Variants in VPS53 observed in about 807,000 individuals in gnomAD.
VPS53 encodes the protein vacuolar protein sorting-associated protein 53 homolog.
In VPS53, 70 loss-of-function variants were observed where a neutral mutation model predicts 107.0. The ratio of observed to expected loss-of-function variants is 0.65; its 90% CI spans 0.54 to 0.80. The LOEUF is 0.80. Ranked by LOEUF, VPS53 falls within the 30% of genes least tolerant of loss-of-function variation. The pLI is 0.00. For synonymous variants in VPS53, 409 were observed against 393.3 expected, an observed-to-expected ratio of 1.04 and a Z score of -0.47; for missense variants, 917 against 1,049.4, an observed-to-expected ratio of 0.87 and a Z score of 1.74.
At chr17:610,653 C>T (rs1047171620) in intron 11 of VPS53, among the ~76,000 whole-genome samples, 12 of 151,592 alleles carry the variant, frequency 7.9e-5, no homozygotes, top group Non-Finnish European at 1.3e-4. Flanking sequence ...TGGTGGCTCA[C>T]GCCTATAATC....
chr17:534,032 G>A lies in VPS53; in HGVS notation c.2016-1121C>T, dbSNP rs1032590003. On this transcript the variant is annotated intron_variant, in intron 18 of 21. Transcript: ENST00000437048. ...TTTTTGTATTTTTAGTAGAGATAGGGTTTCACCATGTTGGCCAGGCTGGTC... is the reference window on the plus strand; with the variant it reads ...TTTTTGTATTTTTAGTAGAGATAGGATTTCACCATGTTGGCCAGGCTGGTC... Among the ~76,000 whole-genome samples the A allele has an allele frequency of 2.6e-5, 4 of 151,918 alleles. No homozygotes were observed. The East Asian group carries it at 7.7e-4, about 29-fold the overall frequency.
Position 546,329 on chromosome 17 carries a change from TCACACACACACACACACACACACA to T in VPS53, c.1866+5519_1866+5542del, listed in dbSNP as rs71371545. On this transcript the variant is annotated intron_variant, in intron 17 of 21. Transcript: ENST00000437048. ...ATCAGGCAATGGTATCTTAGATATC[TCACACACACACACACACACACACA>T]CACACACACACACACACACACACGA... 2.3e-5 allele frequency among the ~76,000 whole-genome samples: 3 copies of T among 131,976 alleles called. No homozygotes were observed. The South Asian group carries it at 7.8e-4, about 34-fold the overall frequency. The allele number at this position is 131,976 out of a possible 152,430, so 86.6% of individuals were successfully genotyped here.
chr17:650,801 C>T (rs1483302025), intron 7 of VPS53, among the ~76,000 whole-genome samples: 1 of 152,184 alleles, frequency 6.6e-6, no homozygotes, highest in African/African-American at 2.4e-5. Context: ...GAAACAACGA[C>T]CTAGTGCTAC....
intron 17 of VPS53, among the ~76,000 whole-genome samples, chr17:548,567 C>G (rs919440201): frequency 8.4e-6 from 1 of 119,142 alleles, no homozygotes; most frequent in Non-Finnish European, 1.8e-5. Context: ...GGCCAGCCAA[C>G]AGTCCTTCTG....
Position 518,846 on chromosome 17 carries a change from A to G in VPS53, c.*282T>C, listed in dbSNP as rs1333317467. On this transcript the variant is annotated 3_prime_UTR_variant, in exon 22 of 22. Transcript: ENST00000437048. ...GGTGTGACTGCCATGGGGAGGCTAC[A>G]TGAGTCAAGGGCAGCTCAGGGACCT... 1.6e-5 allele frequency: 5 copies of G among 303,202 alleles called. No individual in the cohort carries two copies. Among genetic ancestry groups the G allele is most frequent in the African/African-American group, 4.4e-5 (2 of 45,966 alleles). 18.8% of individuals were successfully genotyped at this position (303,202 alleles called of 1,614,324 possible). A position where few individuals can be genotyped will look rare whatever the true frequency, so the allele number is the denominator to read the frequency against.
chr17:539,247 C>T (rs1357557503), intron 17 of VPS53: 1 of 152,246 alleles, frequency 6.6e-6, no homozygotes, highest in Non-Finnish European at 1.5e-5. Flanking sequence ...TACAAAGCAG[C>T]TCTGAAGCAA....
intron 10 of VPS53, among the ~76,000 whole-genome samples, chr17:625,028 T>C (rs980875764): frequency 3.4e-5 from 5 of 145,270 alleles, no homozygotes; most frequent in African/African-American, 1.3e-4. Flanking sequence ...TCTCACTCTG[T>C]CACCCAGGGC....
chr17:656,739 T>G, intron 5 of VPS53: 1 of 786,058 alleles, frequency 1.3e-6, no homozygotes, highest in Non-Finnish European at 2.2e-6. Context: ...TGTTTTATCA[T>G]GCCACATTAT....
chr17:589,952 G>C (rs900593773), intron 12 of VPS53, among the ~76,000 whole-genome samples: 1 of 151,932 alleles, frequency 6.6e-6, no homozygotes, highest in South Asian at 2.1e-4. Context: ...CATTGAATCT[G>C]TAAATTACCT....
In VPS53 at chr17:697,448, AC is replaced by A; in HGVS notation, c.254del (p.Gly85ValfsTer41). On this transcript the variant is annotated frameshift_variant, in exon 4 of 22. Coordinates refer to ENST00000437048, the MANE Select transcript of VPS53 (RefSeq NM_001128159.3). LOFTEE classifies it high-confidence loss of function. ...GTCCATCCTGCCCCACGTTCGTCTG[AC>A]CTCTTACAACAGTTCGAATATTGTC... ...LDDNIRTVVR[G>X]QTNVGQDGRQ... The A allele has an allele frequency of 6.2e-7, 1 of 1,614,072 alleles. No individual in the cohort carries two copies. The highest frequency in any genetic ancestry group is 8.5e-7 in the Non-Finnish European group (1 of 1,179,938).
At chr17:609,995 GGTGGCGGGCGCCTGTA>G (rs911973912) in intron 11 of VPS53, among the ~76,000 whole-genome samples, 1 of 152,188 alleles carries the variant, frequency 6.6e-6, no homozygotes, top group African/African-American at 2.4e-5. Context: ...AGCCAGGCGT[GGTGGCGGGCGCCTGTA>G]GTCCCAGCTA....
chr17:610,463 T>G (rs1259029234), intron 11 of VPS53, among the ~76,000 whole-genome samples: 1 of 152,012 alleles, frequency 6.6e-6, no homozygotes, highest in Non-Finnish European at 1.5e-5. Flanking sequence ...TAGCCTTGGA[T>G]TACGTAACAG....
rs117274662 is a variant in VPS53 at position 652,380 on chromosome 17, C to T, written c.608+911G>A. ...GTAACAATGTGACTTTGACATTCCT[C>T]CCGTTAGTGGGTGGGAGAAGACTAT... On this transcript the variant is annotated intron_variant, in intron 7 of 21. Coordinates refer to ENST00000437048, the MANE Select transcript of VPS53 (RefSeq NM_001128159.3). Among the ~76,000 whole-genome samples the T allele has an allele frequency of 2.6e-5, 4 of 152,340 alleles. No homozygotes were observed. In the East Asian group the frequency reaches 7.7e-4, roughly 29 times the overall value.
intron 4 of VPS53, among the ~76,000 whole-genome samples, chr17:678,815 A>G (rs1972267659): frequency 6.6e-6 from 1 of 151,758 alleles, no homozygotes; most frequent in South Asian, 2.1e-4. Context: ...ATTTTTTTGT[A>G]TTTTTAGTAG....
chr17:668,000 C>A (rs1314424601), intron 4 of VPS53, among the ~76,000 whole-genome samples: 1 of 152,172 alleles, frequency 6.6e-6, no homozygotes, highest in African/African-American at 2.4e-5. Context: ...CCATGTCCCC[C>A]TCCCTGGTCC....
At chr17:561,365 AAC>A (rs1465907116) in intron 14 of VPS53, among the ~76,000 whole-genome samples, 2 of 152,186 alleles carry the variant, frequency 1.3e-5, no homozygotes, top group African/African-American at 4.8e-5. Flanking sequence ...CACTTCTGTG[AAC>A]AGTCTCTCTA....
intron 4 of VPS53, among the ~76,000 whole-genome samples, chr17:692,221 C>T (rs553057988): frequency 6.6e-6 from 1 of 152,262 alleles, no homozygotes; most frequent in East Asian, 1.9e-4. Context: ...TCTCTTTCAC[C>T]TACGTTCAAG....
intron 4 of VPS53, among the ~76,000 whole-genome samples, chr17:666,301 G>A (rs1454374392): frequency 2.0e-5 from 3 of 152,212 alleles, no homozygotes; most frequent in Admixed American, 2.0e-4. Flanking sequence ...GGGACGATGG[G>A]TGTTACAGAA....
At position 613,483 on chromosome 17, in the gene VPS53, CAT is replaced by C. The variant is rs1460534487; in HGVS notation, c.1116+10048_1116+10049del. 1.6e-3 allele frequency among the ~76,000 whole-genome samples: 247 copies of C among 150,112 alleles called. 1 individual carries two copies. Among genetic ancestry groups the C allele is most frequent in the African/African-American group, 5.8e-3 (236 of 40,812 alleles). On this transcript the variant is annotated intron_variant, in intron 11 of 21. Coordinates refer to ENST00000437048, the MANE Select transcript of VPS53 (RefSeq NM_001128159.3). Reference sequence around the variant, plus strand: ...CAGTGAAAACCTGTACAAATATTCACATAGTGAGTTCACACAGTGAAAACCTG... The same window carrying C: ...CAGTGAAAACCTGTACAAATATTCACAGTGAGTTCACACAGTGAAAACCTG...
Sources: allele counts gnomAD v4.1 joint callset (sites outside exome capture counted in the v4.1 genomes callset), GRCh38; gene constraint gnomAD v4.1.1; transcripts MANE v1.5; gene names NCBI Gene and HGNC (gene_info 2026-07-23, HGNC 2026-07-21).